Variants in GALNT13 observed in about 807,000 individuals in gnomAD.
GALNT13 encodes the protein polypeptide N-acetylgalactosaminyltransferase 13, also known as UDP-GalNAc:polypeptide N-acetylgalactosaminyltransferase 13.
Under a neutral mutation model 64.2 loss-of-function variants are expected in GALNT13, and 28 were observed. The ratio of observed to expected loss-of-function variants is 0.44; its 90% CI spans 0.32 to 0.60. GALNT13 has a LOEUF of 0.60. GALNT13 is among the 20% of genes least tolerant of loss of function. The pLI, the probability that GALNT13 is intolerant of heterozygous loss-of-function variation, is 0.05. For missense variants in GALNT13, 577 were observed against 669.8 expected (o/e 0.86, Z 1.53); for synonymous variants, 214 against 224.6 (o/e 0.95, Z 0.42).
At chr2:154,326,995 G>A (rs189784505) in intron 9 of GALNT13, among the ~76,000 whole-genome samples, 50 of 152,092 alleles carry the variant, frequency 3.3e-4, no homozygotes, top group South Asian at 6.2e-4. Flanking sequence ...ATATGGTTAG[G>A]CTTTGTCTCC....
chr2:154,046,000 A>G (rs985347131), intron 3 of GALNT13, among the ~76,000 whole-genome samples: 5 of 151,688 alleles, frequency 3.3e-5, no homozygotes, highest in African/African-American at 1.2e-4. Flanking sequence ...TGGAGAGAAC[A>G]TTGCAGGATT....
the GALNT13 span, among the ~76,000 whole-genome samples, chr2:153,131,096 G>C: frequency 6.6e-6 from 1 of 152,074 alleles, no homozygotes; most frequent in South Asian, 2.1e-4. Flanking sequence ...TAATTCTATT[G>C]TTAAATATTA....
At chr2:153,094,128 T>C in the GALNT13 span, among the ~76,000 whole-genome samples, 1 of 152,198 alleles carries the variant, frequency 6.6e-6, no homozygotes, top group South Asian at 2.1e-4. Context: ...AAAAATCTTT[T>C]GTATTGTTTA....
At chr2:153,630,796 TA>T in the GALNT13 span, among the ~76,000 whole-genome samples, 12 of 13,480 alleles carry the variant, frequency 8.9e-4, no homozygotes, top group East Asian at 5.2e-3. Context: ...TATATATATA[TA>T]TATATATATA....
chr2:154,223,105 C>T (rs997027988), intron 4 of GALNT13, among the ~76,000 whole-genome samples: 2 of 152,098 alleles, frequency 1.3e-5, no homozygotes, highest in African/African-American at 4.8e-5. Flanking sequence ...ATTTCTTTAG[C>T]ATATAAAACT....
At chr2:153,252,630 T>C in the GALNT13 span, among the ~76,000 whole-genome samples, 1 of 152,220 alleles carries the variant, frequency 6.6e-6, no homozygotes, top group Non-Finnish European at 1.5e-5. Context: ...CTTTAATCCA[T>C]CTTGAATTAA....
the GALNT13 span, among the ~76,000 whole-genome samples, chr2:153,471,166 G>T: frequency 6.6e-6 from 1 of 152,074 alleles, no homozygotes; most frequent in African/African-American, 2.4e-5. Flanking sequence ...TGTGGCTCAC[G>T]CAGATAGATC....
intron 3 of GALNT13, among the ~76,000 whole-genome samples, chr2:154,024,563 C>T (rs1157422274): frequency 6.6e-6 from 1 of 152,160 alleles, no homozygotes; most frequent in Non-Finnish European, 1.5e-5. Flanking sequence ...AAGGACTTCT[C>T]TGCGTTGGTT....
chr2:153,893,902 T>C (rs1687725646), intron 1 of GALNT13, among the ~76,000 whole-genome samples: 3 of 152,080 alleles, frequency 2.0e-5, no homozygotes, highest in Non-Finnish European at 4.4e-5. Context: ...AGTAAGGATA[T>C]GCAAAGGAAA....
the GALNT13 span, among the ~76,000 whole-genome samples, chr2:153,458,240 GTT>G: frequency 4.6e-5 from 7 of 151,084 alleles, no homozygotes; most frequent in South Asian, 2.1e-4. Context: ...AAAATCAGTA[GTT>G]TTTTTTTGTC....
the GALNT13 span, among the ~76,000 whole-genome samples, chr2:153,484,483 T>C: frequency 6.6e-6 from 1 of 152,228 alleles, no homozygotes; most frequent in Admixed American, 6.5e-5. Context: ...AGTTTACAAA[T>C]TGAAATTTTT....
the GALNT13 span, among the ~76,000 whole-genome samples, chr2:153,688,219 A>G: frequency 4.6e-5 from 7 of 151,988 alleles, no homozygotes; most frequent in Non-Finnish European, 1.0e-4. Context: ...AAAGTTGAGT[A>G]GTTGTAAGAG....
the GALNT13 span, among the ~76,000 whole-genome samples, chr2:153,386,358 C>G: frequency 6.6e-6 from 1 of 152,022 alleles, no homozygotes; most frequent in African/African-American, 2.4e-5. Context: ...GACTGTTATA[C>G]AGAGTCTAGT....
the GALNT13 span, among the ~76,000 whole-genome samples, chr2:153,248,540 C>T: frequency 6.6e-6 from 1 of 151,358 alleles, no homozygotes; most frequent in Non-Finnish European, 1.5e-5. Flanking sequence ...CTCGGCCGGG[C>T]GTGGTGGCTC....
At position 153,949,292 on chromosome 2, in the gene GALNT13, A is replaced by T. The variant is rs1464322502; in HGVS notation, c.142+4653A>T. ...CAACGAATGACTGAATATATATTCA[A>T]CTGAAAAGGAAAAGTAAGTTAGAAA... On this transcript the variant is annotated intron_variant, in intron 3 of 12. Transcript: ENST00000392825. 1.2e-4 allele frequency among the ~76,000 whole-genome samples: 19 copies of T among 152,266 alleles called. 1 individual carries two copies. In the South Asian group the frequency reaches 3.7e-3, roughly 30 times the overall value.
At chr2:154,073,414 A>G (rs1314225394) in intron 3 of GALNT13, among the ~76,000 whole-genome samples, 1 of 151,990 alleles carries the variant, frequency 6.6e-6, no homozygotes, top group Non-Finnish European at 1.5e-5. Flanking sequence ...TTTATTGCCA[A>G]TGGTAAGTCA....
intron 3 of GALNT13, among the ~76,000 whole-genome samples, chr2:154,097,165 A>G (rs927566653): frequency 6.6e-6 from 1 of 152,054 alleles, no homozygotes; most frequent in Non-Finnish European, 1.5e-5. Flanking sequence ...TATTGTTTCA[A>G]TGAAGTGTTA....
At chr2:153,726,720 C>T in the GALNT13 span, among the ~76,000 whole-genome samples, 4 of 151,948 alleles carry the variant, frequency 2.6e-5, no homozygotes, top group Non-Finnish European at 4.4e-5. Context: ...GGGGGCGGAT[C>T]ACAAGGTCAG....
the GALNT13 span, among the ~76,000 whole-genome samples, chr2:153,576,167 C>T: frequency 3.3e-5 from 5 of 152,054 alleles, no homozygotes; most frequent in African/African-American, 1.2e-4. Flanking sequence ...CCTCTCCTCT[C>T]CTCAAGTGGA....
Sources: allele counts gnomAD v4.1 joint callset (sites outside exome capture counted in the v4.1 genomes callset), GRCh38; gene constraint gnomAD v4.1.1; transcripts MANE v1.5; gene names NCBI Gene and HGNC (gene_info 2026-07-23, HGNC 2026-07-21).